Variants in USP31 observed in about 807,000 individuals in gnomAD.
USP31 encodes ubiquitin carboxyl-terminal hydrolase 31.
Under a neutral mutation model 119.4 loss-of-function variants are expected in USP31, and 44 were observed. That is an observed-to-expected ratio of 0.37 (90% CI 0.29 to 0.47). USP31 has a LOEUF of 0.47. Ranked by LOEUF, USP31 falls within the 20% of genes least tolerant of loss-of-function variation. The probability of loss-of-function intolerance (pLI) is 0.99; values close to 1 mark genes in which losing one functional copy is unlikely to be tolerated. For synonymous variants in USP31, 749 were observed against 705.6 expected (o/e 1.06, Z -0.97); for missense variants, 1,643 against 1,730.2 (o/e 0.95, Z 0.89).
chr16:23,084,361 G>GTTCA (rs980278394), intron 11 of USP31, among the ~76,000 whole-genome samples: 1 of 152,156 alleles, frequency 6.6e-6, no homozygotes, highest in Non-Finnish European at 1.5e-5. Flanking sequence ...TATCTACGCT[G>GTTCA]TTCAATATGG....
chr16:23,092,124 C>T (rs1272827073), intron 6 of USP31, among the ~76,000 whole-genome samples: 7 of 152,194 alleles, frequency 4.6e-5, no homozygotes, highest in Admixed American at 3.3e-4. Flanking sequence ...CTCCAAGTCT[C>T]AGCTTCCTCA....
At chr16:23,101,995 AC>A (rs1901892963) in intron 6 of USP31, among the ~76,000 whole-genome samples, 2 of 148,820 alleles carry the variant, frequency 1.3e-5, no homozygotes, top group Non-Finnish European at 1.5e-5. Context: ...AAAAAAAAAA[AC>A]CTATGGCATA....
chr16:23,148,497 A>G, intron 1 of USP31, 141 bp downstream of exon 1: 1 of 1,178,668 alleles, frequency 8.5e-7, no homozygotes. Flanking sequence ...CCTTAAAATC[A>G]CTGGTCGACT....
At chr16:23,083,597 A>T (rs1291559340) in intron 11 of USP31, among the ~76,000 whole-genome samples, 2 of 140,984 alleles carry the variant, frequency 1.4e-5, no homozygotes, top group Non-Finnish European at 3.1e-5. Flanking sequence ...AAAGTCATTA[A>T]AAAAAAAAAA....
At chr16:23,120,814 T>A (rs1038207608) in intron 1 of USP31, among the ~76,000 whole-genome samples, 1 of 151,910 alleles carries the variant, frequency 6.6e-6, no homozygotes, top group Admixed American at 6.6e-5. Flanking sequence ...GACCTATACA[T>A]CCCAGGAGGC....
chr16:23,072,238 C>G (rs746890385), intron 14 of USP31, 41 bp from the exon 15 acceptor site: 3 of 1,575,718 alleles, frequency 1.9e-6, no homozygotes, highest in Non-Finnish European at 2.6e-6. Context: ...GGCTGGGGTC[C>G]CTCGGCCAGC....
At chr16:23,136,087 C>A (rs1903180849) in intron 1 of USP31, among the ~76,000 whole-genome samples, 1 of 152,160 alleles carries the variant, frequency 6.6e-6, no homozygotes, top group South Asian at 2.1e-4. Context: ...GTACCAAGAT[C>A]ATTCAACAGG....
chr16:23,097,785 T>C (rs181575436), intron 6 of USP31, among the ~76,000 whole-genome samples: 19 of 152,312 alleles, frequency 1.2e-4, no homozygotes, highest in African/African-American at 3.8e-4. Flanking sequence ...CCCTTCATGC[T>C]AAAAACTCAG....
chr16:23,087,600 A>G (rs1051812432), intron 8 of USP31, 124 bp downstream of exon 8: 4 of 873,502 alleles, frequency 4.6e-6, no homozygotes, highest in Non-Finnish European at 7.0e-6. Flanking sequence ...GCTCTTTCAT[A>G]AAATGAGGGA....
chr16:23,062,833 T>A lies in USP31; in HGVS notation c.*5213A>T, dbSNP rs1899901548. ...TTCAAATGGGAGTTTGATATCAGTA[T>A]CTCTCAATTCTTTTTATTCTTATTT... On this transcript the variant is annotated 3_prime_UTR_variant, in exon 16 of 16. Transcript: ENST00000219689. The A allele has an allele frequency of 6.5e-6, 1 of 152,716 alleles. No individual in the cohort carries two copies. The highest frequency in any genetic ancestry group is 2.1e-4 in the South Asian group (1 of 4,822). 9.5% of individuals were successfully genotyped at this position (152,716 alleles called of 1,614,324 possible).
Position 23,085,471 on chromosome 16 carries a change from TTAGC to T in USP31, c.1700+110_1700+113del, listed in dbSNP as rs1197515442. 2.9e-4 allele frequency: 275 copies of T among 954,690 alleles called. 1 individual carries two copies. The highest frequency in any genetic ancestry group is 3.8e-4 in the Non-Finnish European group (238 of 621,096). 59.1% of individuals were successfully genotyped at this position (954,690 alleles called of 1,614,324 possible). On this transcript the variant is annotated intron_variant, in intron 10 of 15. Transcript: ENST00000219689. ...AAGGGTTAACAACACACCTGGATAC[TTAGC>T]TAAAGAGAAGAGAGATTTGTGTTTC...
chr16:23,108,359 T>C (rs1374540635), intron 1 of USP31, among the ~76,000 whole-genome samples, 176 bp from the exon 2 acceptor site: 1 of 152,216 alleles, frequency 6.6e-6, no homozygotes, highest in Non-Finnish European at 1.5e-5. Flanking sequence ...TAGAAACATG[T>C]ACCAGAACCC....
intron 1 of USP31, among the ~76,000 whole-genome samples, chr16:23,142,037 G>A (rs1227756264): frequency 6.6e-6 from 1 of 152,220 alleles, no homozygotes; most frequent in Non-Finnish European, 1.5e-5. Context: ...CTGACGGCAT[G>A]AACCTAGTCC....
chr16:23,101,339 A>C (rs1284902414), intron 6 of USP31, among the ~76,000 whole-genome samples: 2 of 152,162 alleles, frequency 1.3e-5, no homozygotes, highest in African/African-American at 4.8e-5. Flanking sequence ...TTATTTCTAG[A>C]AAAAATGCAG....
chr16:23,135,846 T>C (rs1345387981), intron 1 of USP31, among the ~76,000 whole-genome samples: 1 of 152,118 alleles, frequency 6.6e-6, no homozygotes, highest in African/African-American at 2.4e-5. Context: ...AAAATTAATA[T>C]GGAATAATCT....
chr16:23,067,030 G>A lies in USP31; in HGVS notation c.*1016C>T, dbSNP rs1900101538. 6.6e-6 allele frequency: 1 copy of A among 152,196 alleles called. No individual in the cohort carries two copies. The highest frequency in any genetic ancestry group is 2.4e-5 in the African/African-American group (1 of 41,434). 9.4% of individuals were successfully genotyped at this position (152,196 alleles called of 1,614,324 possible). Reference sequence around the variant, plus strand: ...TTTCCTCTCCAAGCTACAAGATGAGGGAACATGAGCCCACAGACACAGGGC... The same window carrying A: ...TTTCCTCTCCAAGCTACAAGATGAGAGAACATGAGCCCACAGACACAGGGC... On this transcript the variant is annotated 3_prime_UTR_variant, in exon 16 of 16. Coordinates refer to ENST00000219689, the MANE Select transcript of USP31 (RefSeq NM_020718.4).
intron 1 of USP31, 111 bp from the exon 2 acceptor site, chr16:23,108,294 ACT>A: frequency 7.0e-7 from 1 of 1,426,470 alleles, no homozygotes; most frequent in Non-Finnish European, 9.3e-7. Context: ...GTTAGAGAAT[ACT>A]TCCCAGAAGG....
In USP31 at chr16:23,064,278, C is replaced by A. The variant is rs1010357574; in HGVS notation, c.*3768G>T. The A allele has an allele frequency of 6.6e-6, 1 of 152,470 alleles. No homozygotes were observed. The highest frequency in any genetic ancestry group is 2.4e-5 in the African/African-American group (1 of 41,452). 9.4% of individuals were successfully genotyped at this position (152,470 alleles called of 1,614,324 possible). ...AGTAATTTGTCCGAATGAAATGTAACGTCTGATGCCCCTCTATGTGAAATA... is the reference window on the plus strand; with the variant it reads ...AGTAATTTGTCCGAATGAAATGTAAAGTCTGATGCCCCTCTATGTGAAATA... On this transcript the variant is annotated 3_prime_UTR_variant, in exon 16 of 16. Transcript: ENST00000219689.
intron 11 of USP31, among the ~76,000 whole-genome samples, chr16:23,083,695 CGGGGGGGGG>C (rs11311505): frequency 2.6e-5 from 1 of 37,882 alleles, no homozygotes; most frequent in African/African-American, 9.2e-5. Flanking sequence ...GCAAACCTGG[CGGGGGGGGG>C]GGGGGGGAAG....
Sources: allele counts gnomAD v4.1 joint callset (sites outside exome capture counted in the v4.1 genomes callset), GRCh38; gene constraint gnomAD v4.1.1; transcripts MANE v1.5; gene names NCBI Gene and HGNC (gene_info 2026-07-23, HGNC 2026-07-21).